TGS1: variants seen among roughly 807,000 people sequenced by gnomAD.
TGS1 encodes the protein trimethylguanosine synthase 1.
TGS1 carries 69 observed loss-of-function variants against 92.2 expected under a neutral mutation model. The observed-to-expected ratio is 0.75, with a 90% CI of 0.62 to 0.91. The LOEUF (loss-of-function observed/expected upper bound fraction) is 0.91, where lower values mean the gene tolerates loss of function less well. TGS1 is among the 40% of genes least tolerant of loss of function. TGS1 has a pLI of 0.00. For synonymous variants in TGS1, 345 were observed against 338.1 expected (o/e 1.02, Z -0.22); for missense variants, 1,062 against 1,001.2 (o/e 1.06, Z -0.82).
Position 55,822,038 on chromosome 8 carries a change from T to G in TGS1, c.2440-2543T>G, listed in dbSNP as rs940302101. The stretch of plus-strand genomic sequence containing the variant: ...CAAAAAAAGCCTATTTTAATGGCTT[T>G]CTTAACAACAACAATATTGGCTTTT... On this transcript the variant is annotated intron_variant, in intron 12 of 12. Coordinates refer to ENST00000260129, the MANE Select transcript of TGS1 (RefSeq NM_024831.8). Among the ~76,000 whole-genome samples, 12 of 151,876 alleles carry G rather than the reference T, an allele frequency of 7.9e-5. No individual in the cohort carries two copies. In the East Asian group the frequency reaches 2.1e-3, roughly 27 times the overall value.
intron 1 of TGS1, among the ~76,000 whole-genome samples, chr8:55,781,222 A>G (rs1811553786): frequency 6.6e-6 from 1 of 152,178 alleles, no homozygotes; most frequent in African/African-American, 2.4e-5. Flanking sequence ...TCTGCTGTGT[A>G]TATAAACTTA....
At chr8:55,776,131 T>C (rs1446817818) in intron 1 of TGS1, among the ~76,000 whole-genome samples, 1 of 151,978 alleles carries the variant, frequency 6.6e-6, no homozygotes, top group African/African-American at 2.4e-5. Flanking sequence ...GAGCGAGCAA[T>C]TCCTGTCCCT....
Position 55,773,527 on chromosome 8 carries a change from G to A in TGS1, c.-92G>A. 1.1e-6 allele frequency: 1 copy of A among 916,014 alleles called. No individual in the cohort carries two copies. Among genetic ancestry groups the A allele is most frequent in the Non-Finnish European group, 1.7e-6 (1 of 603,702 alleles). The allele number at this position is 916,014 out of a possible 1,614,324, so 56.7% of individuals were successfully genotyped here. A position where few individuals can be genotyped will look rare whatever the true frequency, so the allele number is the denominator to read the frequency against. On this transcript the variant is annotated 5_prime_UTR_variant, in exon 1 of 13. Coordinates refer to ENST00000260129, the MANE Select transcript of TGS1 (RefSeq NM_024831.8). Reference sequence around the variant, plus strand: ...CTATCTCCTCATCCAGGGCTTGCGGGCGAGGCCTGTTTTAAGTCTCCAGTA... The same window carrying A: ...CTATCTCCTCATCCAGGGCTTGCGGACGAGGCCTGTTTTAAGTCTCCAGTA...
At chr8:55,792,625 C>G (rs1811918364) in intron 5 of TGS1, 73 bp from the exon 6 acceptor site, 1 of 1,084,464 alleles carries the variant, frequency 9.2e-7, no homozygotes, top group Non-Finnish European at 1.4e-6. Context: ...ATTATATTGC[C>G]TTTTTTATAT....
At chr8:55,778,579 C>T (rs149080151) in intron 1 of TGS1, among the ~76,000 whole-genome samples, 6 of 152,200 alleles carry the variant, frequency 3.9e-5, no homozygotes, top group Admixed American at 6.5e-5. Context: ...TATGATACAA[C>T]GAAATTGTTT....
intron 5 of TGS1, among the ~76,000 whole-genome samples, chr8:55,790,594 C>A (rs1480034502): frequency 6.6e-6 from 1 of 151,794 alleles, no homozygotes; most frequent in Non-Finnish European, 1.5e-5. Flanking sequence ...TTGAACTCCT[C>A]AGCTCAATTG....
At chr8:55,824,436 A>G in intron 12 of TGS1, 145 bp from the exon 13 acceptor site, 2 of 958,302 alleles carry the variant, frequency 2.1e-6, no homozygotes, top group Non-Finnish European at 3.1e-6. Context: ...ATGCCTGGGA[A>G]GTAGCAGTGA....
intron 2 of TGS1, among the ~76,000 whole-genome samples, chr8:55,783,102 T>G (rs1451519161): frequency 2.6e-5 from 4 of 152,084 alleles, no homozygotes; most frequent in Non-Finnish European, 5.9e-5. Context: ...AACCTGGAAT[T>G]TAAAGCTTTG....
intron 7 of TGS1, among the ~76,000 whole-genome samples, chr8:55,796,460 C>T (rs1039297287): frequency 1.3e-5 from 2 of 151,994 alleles, no homozygotes; most frequent in Non-Finnish European, 2.9e-5. Context: ...GAGGCTGAGG[C>T]AGGTGGATCA....
chr8:55,776,949 GT>G (rs112116576), intron 1 of TGS1, among the ~76,000 whole-genome samples: 4 of 149,838 alleles, frequency 2.7e-5, no homozygotes, highest in Admixed American at 2.0e-4. Flanking sequence ...TTGTTTGTTG[GT>G]TTTTTTTTGG....
intron 1 of TGS1, among the ~76,000 whole-genome samples, chr8:55,780,882 C>T (rs1215498615): frequency 6.6e-6 from 1 of 152,140 alleles, no homozygotes; most frequent in African/African-American, 2.4e-5. Context: ...GGCCAGAGTT[C>T]CCAGTGGGGA....
At chr8:55,817,383 AGTATTTGAATAATGTATTT>A (rs1013836699) in intron 12 of TGS1, among the ~76,000 whole-genome samples, 1 of 152,226 alleles carries the variant, frequency 6.6e-6, no homozygotes. Flanking sequence ...TAGAGTTGTA[AGTATTTGAATAATGTATTT>A]GAATTTGAAT....
intron 1 of TGS1, among the ~76,000 whole-genome samples, chr8:55,775,761 C>T (rs1811378409): frequency 6.6e-6 from 1 of 151,776 alleles, no homozygotes; most frequent in South Asian, 2.1e-4. Flanking sequence ...AAAACTTGAG[C>T]CATTTAGCCT....
At chr8:55,813,951 G>T (rs1803402749) in intron 12 of TGS1, among the ~76,000 whole-genome samples, 1 of 151,786 alleles carries the variant, frequency 6.6e-6, no homozygotes, top group East Asian at 1.9e-4. Context: ...TGTTGTTTTT[G>T]TTTTTGTTTT....
chr8:55,821,358 A>G (rs1803628463), intron 12 of TGS1, among the ~76,000 whole-genome samples: 1 of 152,212 alleles, frequency 6.6e-6, no homozygotes, highest in Admixed American at 6.5e-5. Flanking sequence ...GATACCTATA[A>G]GCTCTCAATA....
At chr8:55,803,230 T>G (rs1448129995) in intron 9 of TGS1, among the ~76,000 whole-genome samples, 1 of 152,160 alleles carries the variant, frequency 6.6e-6, no homozygotes, top group Non-Finnish European at 1.5e-5. Flanking sequence ...GATAAATTAT[T>G]AAACAGAAAA....
At chr8:55,779,557 A>G (rs1563449077) in intron 1 of TGS1, among the ~76,000 whole-genome samples, 1 of 152,244 alleles carries the variant, frequency 6.6e-6, no homozygotes, top group African/African-American at 2.4e-5. Context: ...AGGCCAGGAA[A>G]GGAAAGTCAC....
intron 8 of TGS1, among the ~76,000 whole-genome samples, chr8:55,801,582 C>CCTTTTT (rs1214681045): frequency 6.2e-5 from 3 of 48,200 alleles, no homozygotes; most frequent in African/African-American, 1.9e-4. Context: ...CCCCATCGTT[C>CCTTTTT]TTTTTTTTTT....
At chr8:55,807,973 G>A (rs1037409860) in intron 10 of TGS1, among the ~76,000 whole-genome samples, 1 of 152,198 alleles carries the variant, frequency 6.6e-6, no homozygotes, top group Admixed American at 6.6e-5. Flanking sequence ...AAGTAGGAAA[G>A]CGTAATATGA....
Sources: gnomAD v4.1 joint callset for allele counts (sites outside exome capture counted in the v4.1 genomes callset) on GRCh38, gnomAD v4.1.1 for gene constraint, MANE v1.5 for transcripts, NCBI Gene and HGNC (gene_info 2026-07-23, HGNC 2026-07-21) for gene names.